The following SLC52A1 variants were observed in gnomAD, a reference collection of about 807,000 sequenced individuals.
SLC52A1 encodes the protein solute carrier family 52 member 1.
A neutral mutation model predicts 23.2 loss-of-function variants in SLC52A1; 20 were observed. The observed-to-expected ratio is 0.86, with a 90% CI of 0.61 to 1.25. The LOEUF (loss-of-function observed/expected upper bound fraction) is 1.25. Among genes scored for constraint, SLC52A1 ranks in the 50% most tolerant of loss-of-function variants. SLC52A1 has a pLI of 0.00. For synonymous variants in SLC52A1, 260 were observed against 256.6 expected, an observed-to-expected ratio of 1.01 and a Z score of -0.13; for missense variants, 528 against 557.0, an observed-to-expected ratio of 0.95 and a Z score of 0.52.
chr17:5,033,896 C>T lies in SLC52A1; in HGVS notation c.593G>A (p.Trp198Ter). Residue 198 changes from tryptophan (W) to a stop codon, truncating the protein, a stop_gained, in exon 3 of 5, where the codon TGG (tryptophan) becomes TAG (stop). Transcript: ENST00000254853. LOFTEE classifies it high-confidence loss of function. The part of the protein sequence containing the change: ...PERFPASTFF[W>*]ALTALLVTSA... ...AGTGACCAGAAGGGCAGTCAGTGCC[C>T]AGAAGAAGGTGCTGGCAGGAAAACG... The T allele has an allele frequency of 6.2e-7, 1 of 1,614,194 alleles. No homozygotes were observed. Among genetic ancestry groups the T allele is most frequent in the Admixed American group, 1.7e-5 (1 of 60,016 alleles).
intron 4 of SLC52A1, 30 bp downstream of exon 4, chr17:5,033,231 C>T (rs1019895914): frequency 1.2e-6 from 2 of 1,612,782 alleles, no homozygotes; most frequent in Admixed American, 1.7e-5. Context: ...GGGACACCCT[C>T]CTCCCCACTT....
At chr17:5,034,444 C>A in intron 2 of SLC52A1, 33 bp downstream of exon 2, 3 of 1,613,568 alleles carry the variant, frequency 1.9e-6, no homozygotes, top group Non-Finnish European at 2.5e-6. Context: ...GGCATACCTG[C>A]CCCACGCTTC....
chr17:5,041,905 C>A (rs928556844), intron 1 of SLC52A1, among the ~76,000 whole-genome samples: 1 of 152,122 alleles, frequency 6.6e-6, no homozygotes, highest in African/African-American at 2.4e-5. Flanking sequence ...AGCCACCGCA[C>A]CCGGCCTATT....
upstream of SLC52A1, among the ~76,000 whole-genome samples, chr17:5,036,069 G>A (rs1407915749): frequency 1.1e-3 from 127 of 118,246 alleles, no homozygotes; most frequent in Non-Finnish European, 1.8e-3. Context: ...TTTTTGAGAC[G>A]GAGTTTTGCT....
chr17:5,033,150 C>T lies in SLC52A1; in HGVS notation c.1154G>A (p.Cys385Tyr). ...CTTCACATATGAGAACACACACAGA[C>T]ACAGCACCCACGACAGCACCTGCAA... ...VVLVVLSWVL[C>Y]LCVFSYVKVA... The change falls in exon 5 of 5, where the codon TGT (cysteine) becomes TAT (tyrosine). Residue 385 changes from cysteine to tyrosine, a missense_variant. Physicochemically the swap from Cys to Tyr is radical, Grantham distance 194. Coordinates refer to ENST00000254853, the MANE Select transcript of SLC52A1 (RefSeq NM_017986.4). The T allele has an allele frequency of 6.2e-7, 1 of 1,613,920 alleles. No homozygotes were observed. The highest frequency in any genetic ancestry group is 8.5e-7 in the Non-Finnish European group (1 of 1,180,026).
At chr17:5,042,265 G>T (rs1350948143) in intron 1 of SLC52A1, among the ~76,000 whole-genome samples, 1 of 152,136 alleles carries the variant, frequency 6.6e-6, no homozygotes, top group East Asian at 1.9e-4. Flanking sequence ...TTGTGCAGGG[G>T]ATAAACTCTT....
At chr17:5,039,515 C>T (rs768959917), upstream of SLC52A1, among the ~76,000 whole-genome samples, 2 of 152,066 alleles carry the variant, frequency 1.3e-5, no homozygotes, top group African/African-American at 4.8e-5. Context: ...CTCTGCCACC[C>T]AGGCTGGAGT....
At chr17:5,040,507 T>C (rs1975530242) in intron 1 of SLC52A1, among the ~76,000 whole-genome samples, 1 of 152,130 alleles carries the variant, frequency 6.6e-6, no homozygotes, top group South Asian at 2.1e-4. Context: ...AGAGGACTAA[T>C]GCAAATGATA....
chr17:5,033,765 C>T lies in SLC52A1; in HGVS notation c.724G>A (p.Glu242Lys). 1 of 1,614,242 alleles carries T rather than the reference C, an allele frequency of 6.2e-7. No homozygotes were observed. The highest frequency in any genetic ancestry group is 8.5e-7 in the Non-Finnish European group (1 of 1,180,050). The change falls in exon 3 of 5, where the codon GAG (glutamate) becomes AAG (lysine). Residue 242 changes from glutamate to lysine, a missense_variant. Transcript: ENST00000254853. ...ELQLGSPGAE[E>K]EEKEEEEALP... is the part of the protein sequence containing the mutation. ...GCCTCTTCTTCCTCCTTCTCTTCCTCCTCTGCTCCTGGGGATCCCAGTTGA... is the reference window on the plus strand; with the variant it reads ...GCCTCTTCTTCCTCCTTCTCTTCCTTCTCTGCTCCTGGGGATCCCAGTTGA...
chr17:5,033,553 G>A lies in SLC52A1; in HGVS notation c.936C>T (p.Ala312=), dbSNP rs767093536. ...SFSCLPYGRL[A]YHLAVVLGSA... Reference sequence around the variant, plus strand: ...TGCCCAGCACCACAGCCAGGTGGTAGGCCAGGCGCCCATAGGGCAAACAGG... The same window carrying A: ...TGCCCAGCACCACAGCCAGGTGGTAAGCCAGGCGCCCATAGGGCAAACAGG... Residue 312 remains alanine, a synonymous_variant, in exon 3 of 5, where the codon GCC becomes GCT. Coordinates refer to ENST00000254853, the MANE Select transcript of SLC52A1 (RefSeq NM_017986.4). The A allele has an allele frequency of 1.9e-6, 3 of 1,613,934 alleles. No homozygotes were observed. Among genetic ancestry groups the A allele is most frequent in the Non-Finnish European group, 2.5e-6 (3 of 1,180,004 alleles).
In SLC52A1 at chr17:5,034,240, C is replaced by A. The variant is rs763115742; in HGVS notation, c.249G>T (p.Val83=). 1.2e-6 allele frequency: 2 copies of A among 1,613,616 alleles called. No homozygotes were observed. The highest frequency in any genetic ancestry group is 1.7e-6 in the Non-Finnish European group (2 of 1,179,718). The change falls in exon 3 of 5, where the codon GTG becomes GTT. Residue 83 remains valine (V), a synonymous_variant. Coordinates refer to ENST00000254853, the MANE Select transcript of SLC52A1 (RefSeq NM_017986.4). ...TGCCCACTACACTCAGCACCTGTAC[C>A]ACCTGGATGGGGACCTGCTCGCCCT... The part of the protein sequence containing the change: ...PGKGEQVPIQ[V]VQVLSVVGTA...
chr17:5,039,897 C>T (rs1352117502), upstream of SLC52A1, among the ~76,000 whole-genome samples: 1 of 152,122 alleles, frequency 6.6e-6, no homozygotes, highest in Non-Finnish European at 1.5e-5. Flanking sequence ...ATCACCATGT[C>T]CTTAGGAATA....
At chr17:5,038,601 T>C (rs12951677), upstream of SLC52A1, among the ~76,000 whole-genome samples, 88,736 of 151,314 alleles carry the variant, frequency 0.59, 27,280 homozygotes, top group African/African-American at 0.73. Context: ...TTTTTTTTTT[T>C]TTCGAGACAG....
upstream of SLC52A1, among the ~76,000 whole-genome samples, chr17:5,039,597 G>A (rs186763790): frequency 1.3e-4 from 20 of 151,986 alleles, no homozygotes; most frequent in African/African-American, 4.3e-4. Flanking sequence ...TCAGCCTCCC[G>A]AGTAGCTGGG....
At position 5,034,958 on chromosome 17, in the gene SLC52A1, C is replaced by G; in HGVS notation, c.-205G>C. The G allele has an allele frequency of 4.1e-6, 1 of 246,696 alleles. No individual in the cohort carries two copies. The highest frequency in any genetic ancestry group is 8.2e-6 in the Non-Finnish European group (1 of 122,420). 15.3% of individuals were successfully genotyped at this position (246,696 alleles called of 1,614,324 possible). A position where few individuals can be genotyped will look rare whatever the true frequency, so the allele number is the denominator to read the frequency against. On this transcript the variant is annotated 5_prime_UTR_variant, in exon 1 of 5. Transcript: ENST00000254853. ...CCGAGGTGCAGCTGCCCCAGAGGAG[C>G]AAAGAGGGAGCTGATTTTCCTACCC...
intron 1 of SLC52A1, among the ~76,000 whole-genome samples, chr17:5,041,344 G>A (rs1975543155): frequency 6.6e-6 from 1 of 151,956 alleles, no homozygotes; most frequent in Non-Finnish European, 1.5e-5. Context: ...GTGCAGTGGT[G>A]CAATCTTGGC....
upstream of SLC52A1, among the ~76,000 whole-genome samples, chr17:5,039,965 C>G (rs1286146088): frequency 6.6e-6 from 1 of 152,108 alleles, no homozygotes; most frequent in African/African-American, 2.4e-5. Context: ...GAGGCAAGAC[C>G]CACATGGAGG....
Position 5,034,728 on chromosome 17 carries a change from A to G in SLC52A1, c.-107-15T>C. 2 of 1,361,034 alleles carry G rather than the reference A, an allele frequency of 1.5e-6. No individual in the cohort carries two copies. Among genetic ancestry groups the G allele is most frequent in the Non-Finnish European group, 2.0e-6 (2 of 1,012,678 alleles). The allele number at this position is 1,361,034 out of a possible 1,614,324, so 84.3% of individuals were successfully genotyped here. A position where few individuals can be genotyped will look rare whatever the true frequency, so the allele number is the denominator to read the frequency against. ...AGACCTTCTAGCTGGAGGGAAACAG[A>G]CAGGCTGGCAGGTAATAGGCTGGTG... On this transcript the variant is annotated splice_polypyrimidine_tract_variant and intron_variant, in intron 1 of 4. Transcript: ENST00000254853.
At position 5,035,426 on chromosome 17, in the gene SLC52A1, C is replaced by G. The variant is rs562619234; in HGVS notation, c.-673G>C. Reference sequence around the variant, plus strand: ...GCCACTTGCAACCCTAGCGCTTTTGCGACACTCAGGACTTGCTGAGGCAGG... The same window carrying G: ...GCCACTTGCAACCCTAGCGCTTTTGGGACACTCAGGACTTGCTGAGGCAGG... On this transcript the variant is annotated 5_prime_UTR_variant, in exon 1 of 5. Transcript: ENST00000254853. 1 of 152,318 alleles carries G rather than the reference C, an allele frequency of 6.6e-6. No homozygotes were observed. 9.4% of individuals were successfully genotyped at this position (152,318 alleles called of 1,614,324 possible).
Sources: gnomAD v4.1 joint callset for allele counts (sites outside exome capture counted in the v4.1 genomes callset) on GRCh38, gnomAD v4.1.1 for gene constraint, MANE v1.5 for transcripts, NCBI Gene and HGNC (gene_info 2026-07-23, HGNC 2026-07-21) for gene names.